Variants in TBC1D1 observed in about 807,000 individuals in gnomAD.
The protein encoded by TBC1D1 is TBC1 domain family member 1, also known as TBC1 (tre-2/USP6, BUB2, cdc16) domain family, member 1.
In TBC1D1, 89 loss-of-function variants were observed where a neutral mutation model predicts 125.6. The observed-to-expected ratio is 0.71, with a 90% confidence interval of 0.60 to 0.85. The LOEUF is 0.85. Ranked by LOEUF, TBC1D1 falls within the 40% of genes least tolerant of loss-of-function variation. The pLI is 0.00. For missense variants in TBC1D1, 1,377 were observed against 1,469.2 expected (o/e 0.94, Z 1.03); for synonymous variants, 565 against 564.1 (o/e 1.00, Z -0.02).
chr4:38,107,577 G>GTT (rs3038351), intron 15 of TBC1D1, among the ~76,000 whole-genome samples: 19,486 of 53,228 alleles, frequency 0.37, 2,844 homozygotes, highest in Admixed American at 0.43. Context: ...GTCTAAACAG[G>GTT]TTTTTTTTTT....
At chr4:37,994,949 GT>G (rs33942944) in intron 2 of TBC1D1, among the ~76,000 whole-genome samples, 47,602 of 151,584 alleles carry the variant, frequency 0.31, 7,634 homozygotes, top group African/African-American at 0.37. Flanking sequence ...CTTCTTTTTT[GT>G]TTTTTTTGCA....
At chr4:38,112,924 C>T (rs923467582) in intron 15 of TBC1D1, among the ~76,000 whole-genome samples, 5 of 152,156 alleles carry the variant, frequency 3.3e-5, no homozygotes, top group African/African-American at 9.7e-5. Context: ...TTGTTGGAGG[C>T]TTGAGTGCAG....
At chr4:37,978,965 C>T (rs1733815481) in intron 2 of TBC1D1, among the ~76,000 whole-genome samples, 1 of 152,214 alleles carries the variant, frequency 6.6e-6, no homozygotes, top group African/African-American at 2.4e-5. Context: ...CAACCCCCAC[C>T]TACCAGGTTC....
At chr4:38,115,344 C>T (rs773068894) in intron 15 of TBC1D1, among the ~76,000 whole-genome samples, 11 of 152,128 alleles carry the variant, frequency 7.2e-5, no homozygotes, top group Non-Finnish European at 1.6e-4. Context: ...TCAGGCGATC[C>T]TTCCACCTAG....
In TBC1D1 at chr4:38,065,930, G is replaced by A. The variant is rs527539468; in HGVS notation, c.2050+11592G>A. ...CTCCCAAAGTGCTGGGATTATAGGC[G>A]TGGGTCACCACAACTGGACTTACTG... is the stretch of plus-strand genomic sequence containing the variant. On this transcript the variant is annotated intron_variant, in intron 12 of 19. Transcript: ENST00000261439. Among the ~76,000 whole-genome samples, 14 of 152,306 alleles carry A rather than the reference G, an allele frequency of 9.2e-5. No homozygotes were observed. The South Asian group carries it at 2.3e-3, about 25-fold the overall frequency.
intron 2 of TBC1D1, among the ~76,000 whole-genome samples, chr4:37,985,476 A>G (rs1288157947): frequency 6.6e-6 from 1 of 152,174 alleles, no homozygotes; most frequent in Non-Finnish European, 1.5e-5. Context: ...ATGGGATTAG[A>G]CTCACAGGCT....
chr4:37,932,783 C>T (rs889045709), intron 2 of TBC1D1, among the ~76,000 whole-genome samples: 8 of 152,084 alleles, frequency 5.3e-5, no homozygotes, highest in Non-Finnish European at 1.0e-4. Context: ...TGTGGCTGGG[C>T]GCGGTGCCTC....
chr4:37,964,206 T>C (rs11736130), intron 2 of TBC1D1, among the ~76,000 whole-genome samples: 48,983 of 152,158 alleles, frequency 0.32, 8,934 homozygotes, highest in East Asian at 0.61. Context: ...GGGCCAGGGT[T>C]GGATATGCGA....
intron 2 of TBC1D1, among the ~76,000 whole-genome samples, chr4:37,913,986 G>T (rs1211216081): frequency 1.3e-5 from 2 of 151,962 alleles, no homozygotes; most frequent in African/African-American, 4.8e-5. Flanking sequence ...ACTCTCTTTT[G>T]GCTCTTGGAG....
At chr4:38,015,550 G>C (rs1215854071) in intron 3 of TBC1D1, among the ~76,000 whole-genome samples, 2 of 152,058 alleles carry the variant, frequency 1.3e-5, no homozygotes, top group Non-Finnish European at 2.9e-5. Context: ...CAGGTGGGTG[G>C]GGTTCCTGGT....
intron 3 of TBC1D1, 40 bp downstream of exon 3, chr4:38,015,013 A>G (rs923276738): frequency 1.3e-6 from 2 of 1,483,824 alleles, no homozygotes; most frequent in Admixed American, 2.3e-5. Flanking sequence ...CCAGTCTGCC[A>G]TACGCTTTCA....
chr4:37,992,493 GT>G (rs1006353203), intron 2 of TBC1D1, among the ~76,000 whole-genome samples: 27,325 of 125,222 alleles, frequency 0.22, 2,838 homozygotes, highest in African/African-American at 0.44. Context: ...GAAGTCTGGT[GT>G]TTTTTTTTTT....
At chr4:38,050,355 C>T (rs906613142) in intron 11 of TBC1D1, among the ~76,000 whole-genome samples, 1 of 152,202 alleles carries the variant, frequency 6.6e-6, no homozygotes, top group African/African-American at 2.4e-5. Flanking sequence ...CTGCCGTGAA[C>T]TAATTGTGAC....
chr4:37,942,509 C>T (rs746381952), intron 2 of TBC1D1, among the ~76,000 whole-genome samples: 9 of 151,946 alleles, frequency 5.9e-5, no homozygotes, highest in Non-Finnish European at 1.0e-4. Flanking sequence ...GAGCATTTAG[C>T]CCATTTACAC....
intron 18 of TBC1D1, among the ~76,000 whole-genome samples, chr4:38,130,612 T>TC (rs1765433334): frequency 6.6e-6 from 1 of 152,080 alleles, no homozygotes; most frequent in South Asian, 2.1e-4. Flanking sequence ...TGAGAGCCAG[T>TC]CCCCCTTGCA....
At chr4:38,003,004 TTA>T (rs2152408771) in intron 2 of TBC1D1, among the ~76,000 whole-genome samples, 1 of 152,338 alleles carries the variant, frequency 6.6e-6, no homozygotes, top group Admixed American at 6.5e-5. Context: ...TCTGCTTTAT[TTA>T]GCCCTTACAG....
At chr4:37,971,310 C>T (rs114004100) in intron 2 of TBC1D1, among the ~76,000 whole-genome samples, 2,229 of 152,198 alleles carry the variant, frequency 0.015, 57 homozygotes, top group African/African-American at 0.051. Flanking sequence ...TAAAGGAAAG[C>T]GGTTTATTGA....
chr4:37,923,619 G>C (rs898312026), intron 2 of TBC1D1, among the ~76,000 whole-genome samples: 3 of 151,452 alleles, frequency 2.0e-5, no homozygotes, highest in Admixed American at 6.6e-5. Context: ...GTGAGTGGCA[G>C]TTGTAACCAC....
At chr4:38,102,903 G>C in intron 14 of TBC1D1, 96 bp from the exon 17 acceptor site, 1 of 1,237,810 alleles carries the variant, frequency 8.1e-7, no homozygotes, top group Non-Finnish European at 1.1e-6. Context: ...AAAGGAACAA[G>C]AATTTGGATA....
Sources: allele counts gnomAD v4.1 joint callset (sites outside exome capture counted in the v4.1 genomes callset), GRCh38; gene constraint gnomAD v4.1.1; transcripts MANE v1.5; gene names NCBI Gene and HGNC (gene_info 2026-07-23, HGNC 2026-07-21).